Variants in PPFIA1 observed in about 807,000 individuals in gnomAD.
The protein encoded by PPFIA1 is PPFI scaffold protein A1.
PPFIA1 carries 25 observed loss-of-function variants against 149.9 expected under a neutral mutation model. The observed-to-expected ratio is 0.17, with a 90% confidence interval of 0.12 to 0.23. The LOEUF is 0.23. Ranked by LOEUF, PPFIA1 falls within the 10% of genes least tolerant of loss-of-function variation. The probability of loss-of-function intolerance (pLI) is 1.00; values close to 1 mark genes in which losing one functional copy is unlikely to be tolerated. For missense variants in PPFIA1, 1,362 were observed against 1,506.5 expected, an observed-to-expected ratio of 0.90 and a Z score of 1.59; for synonymous variants, 549 against 552.8, an observed-to-expected ratio of 0.99 and a Z score of 0.10.
At chr11:70,367,596 T>C (rs1260241059) in intron 21 of PPFIA1, 1 of 455,428 alleles carries the variant, frequency 2.2e-6, no homozygotes, top group East Asian at 6.9e-5. Context: ...ATGTTTTTTT[T>C]CCAGAAGGCT....
intron 2 of PPFIA1, among the ~76,000 whole-genome samples, chr11:70,293,113 A>T (rs751751171): frequency 6.6e-6 from 1 of 152,236 alleles, no homozygotes; most frequent in Non-Finnish European, 1.5e-5. Context: ...CACAGTAGAC[A>T]CACACACAGT....
At chr11:70,318,940 C>T (rs532421621) in intron 2 of PPFIA1, among the ~76,000 whole-genome samples, 17 of 152,370 alleles carry the variant, frequency 1.1e-4, no homozygotes, top group Admixed American at 9.8e-4. Context: ...TCTCACCCTC[C>T]ACCCAGGGCC....
At chr11:70,282,555 G>T (rs2050825753) in intron 2 of PPFIA1, 1 of 111,562 alleles carries the variant, frequency 9.0e-6, no homozygotes, top group South Asian at 3.0e-4. Context: ...TTGAGATGGA[G>T]TCTTGCTCTG....
intron 19 of PPFIA1, among the ~76,000 whole-genome samples, chr11:70,360,697 G>C (rs188293472): frequency 2.6e-5 from 4 of 152,208 alleles, no homozygotes; most frequent in Non-Finnish European, 4.4e-5. Context: ...TCTTCATTTC[G>C]CATCTTGCGA....
chr11:70,286,024 G>A (rs1024920954), intron 2 of PPFIA1, among the ~76,000 whole-genome samples: 1 of 152,194 alleles, frequency 6.6e-6, no homozygotes, highest in Admixed American at 6.5e-5. Flanking sequence ...GTTGATGTTT[G>A]TGTAGGCAGA....
At chr11:70,355,536 T>C (rs992490984) in intron 17 of PPFIA1, 103 bp from the exon 18 acceptor site, 14 of 1,092,620 alleles carry the variant, frequency 1.3e-5, no homozygotes, top group South Asian at 1.7e-5. Flanking sequence ...GAGGAAGATG[T>C]GTGTGAAAGA....
intron 21 of PPFIA1, chr11:70,365,490 G>A (rs962928003): frequency 2.2e-5 from 10 of 452,404 alleles, no homozygotes; most frequent in South Asian, 3.1e-5. Context: ...ACTTAAGACC[G>A]TCTGGGTTCT....
At chr11:70,316,888 C>T (rs1042127720) in intron 2 of PPFIA1, among the ~76,000 whole-genome samples, 3 of 152,184 alleles carry the variant, frequency 2.0e-5, no homozygotes, top group Non-Finnish European at 2.9e-5. Flanking sequence ...CTAAACCTTT[C>T]GTTCAGAAGT....
At chr11:70,356,529 G>A (rs1001279097) in intron 19 of PPFIA1, among the ~76,000 whole-genome samples, 2 of 152,192 alleles carry the variant, frequency 1.3e-5, no homozygotes, top group African/African-American at 4.8e-5. Flanking sequence ...CACTGGAGTC[G>A]GCCCTGGCGC....
chr11:70,299,638 C>T (rs996049232), intron 2 of PPFIA1, among the ~76,000 whole-genome samples: 1 of 152,172 alleles, frequency 6.6e-6, no homozygotes, highest in African/African-American at 2.4e-5. Flanking sequence ...TGCTGTCTCT[C>T]CTGCCAGAAC....
chr11:70,277,259 T>G (rs2050464722), intron 2 of PPFIA1, among the ~76,000 whole-genome samples: 1 of 151,420 alleles, frequency 6.6e-6, no homozygotes, highest in Non-Finnish European at 1.5e-5. Context: ...CAGGTGATCC[T>G]CCCCCCTTAG....
chr11:70,362,184 C>T lies in PPFIA1; in HGVS notation c.2664+8C>T. 1 of 1,614,088 alleles carries T rather than the reference C, an allele frequency of 6.2e-7. No homozygotes were observed. The highest frequency in any genetic ancestry group is 2.2e-5 in the East Asian group (1 of 44,888). On this transcript the variant is annotated splice_region_variant and intron_variant, in intron 20 of 27. Coordinates refer to ENST00000253925, the MANE Select transcript of PPFIA1 (RefSeq NM_003626.5). Reference sequence around the variant, plus strand: ...GTTGTGGTCTGGCTAGAGGTACATCCTTCATTTAACATGCAGTTGCGTGGG... The same window carrying T: ...GTTGTGGTCTGGCTAGAGGTACATCTTTCATTTAACATGCAGTTGCGTGGG...
chr11:70,350,984 C>CATCT (rs1344011559), intron 16 of PPFIA1: 1 of 1,252,590 alleles, frequency 8.0e-7, no homozygotes, highest in Non-Finnish European at 1.0e-6. Flanking sequence ...TCTTTGCATG[C>CATCT]ATCTATCAGC....
intron 2 of PPFIA1, among the ~76,000 whole-genome samples, chr11:70,289,393 C>T (rs1329819225): frequency 6.6e-6 from 1 of 152,140 alleles, no homozygotes; most frequent in Non-Finnish European, 1.5e-5. Context: ...TATATTTACA[C>T]AGCTTAAACT....
chr11:70,375,686 GAGGCCAAGGC>G (rs984591764), intron 24 of PPFIA1: 2 of 152,166 alleles, frequency 1.3e-5, no homozygotes, highest in African/African-American at 4.8e-5. Context: ...AGCTACTTGG[GAGGCCAAGGC>G]AGGGAGATTG....
Position 70,294,429 on chromosome 11 carries a change from G to A in PPFIA1, c.264+21993G>A, listed in dbSNP as rs565310358. ...GGATATGCCCACGTCCTTTAGACAT[G>A]GGACAGAAAGCAGGATTTTGGTGTC... On this transcript the variant is annotated intron_variant, in intron 2 of 27. Coordinates refer to ENST00000253925, the MANE Select transcript of PPFIA1 (RefSeq NM_003626.5). 3.3e-5 allele frequency among the ~76,000 whole-genome samples: 5 copies of A among 152,246 alleles called. No homozygotes were observed. The South Asian group carries it at 1.0e-3, about 32-fold the overall frequency.
rs2057296474 is a variant in PPFIA1 at position 70,372,158 on chromosome 11, T to C, written c.2866-57T>C. The C allele has an allele frequency of 1.3e-5, 19 of 1,476,254 alleles. No individual in the cohort carries two copies. In the South Asian group the frequency reaches 2.6e-4, roughly 20 times the overall value. The allele number at this position is 1,476,254 out of a possible 1,614,324, so 91.4% of individuals were successfully genotyped here. On this transcript the variant is annotated intron_variant, in intron 21 of 27. Transcript: ENST00000253925. ...GATTAAAAATTCATTTTAAAAATGATATAAACTACTTTTGAGACTTCCTCT... is the reference window on the plus strand; with the variant it reads ...GATTAAAAATTCATTTTAAAAATGACATAAACTACTTTTGAGACTTCCTCT...
intron 2 of PPFIA1, among the ~76,000 whole-genome samples, chr11:70,295,505 G>A: frequency 7.2e-6 from 1 of 139,268 alleles, no homozygotes; most frequent in Admixed American, 7.0e-5. Context: ...GCCGGGTGGG[G>A]GGGCTGACCC....
chr11:70,352,770 GT>G (rs2137301947), intron 16 of PPFIA1, among the ~76,000 whole-genome samples: 1 of 131,764 alleles, frequency 7.6e-6, no homozygotes, highest in African/African-American at 3.1e-5. Context: ...GCGTGTGGAG[GT>G]GTCGGAGGGC....
Sources: gnomAD v4.1 joint callset for allele counts (sites outside exome capture counted in the v4.1 genomes callset) on GRCh38, gnomAD v4.1.1 for gene constraint, MANE v1.5 for transcripts, NCBI Gene and HGNC (gene_info 2026-07-23, HGNC 2026-07-21) for gene names.